Variants in MTUS2 observed in about 807,000 individuals in gnomAD.
MTUS2 encodes the protein microtubule associated scaffold protein 2.
A neutral mutation model predicts 114.1 loss-of-function variants in MTUS2; 40 were observed. That is an observed-to-expected ratio of 0.35 (90% CI 0.27 to 0.46). MTUS2 has a LOEUF of 0.46. Among genes scored for constraint, MTUS2 ranks in the 20% least tolerant of loss-of-function variants. The probability of loss-of-function intolerance (pLI) is 1.00; values close to 1 mark genes in which losing one functional copy is unlikely to be tolerated. For missense variants in MTUS2, 1,679 were observed against 1,705.4 expected (o/e 0.98, Z 0.27); for synonymous variants, 688 against 672.0 (o/e 1.02, Z -0.37).
At chr13:29,373,163 G>A (rs2138313224) in intron 8 of MTUS2, among the ~76,000 whole-genome samples, 1 of 152,310 alleles carries the variant, frequency 6.6e-6, no homozygotes, top group South Asian at 2.1e-4. Flanking sequence ...AGAACTCAGA[G>A]ACAGCTAATG....
At chr13:29,325,455 C>CA (rs761433335) in intron 7 of MTUS2, among the ~76,000 whole-genome samples, 25 of 52,302 alleles carry the variant, frequency 4.8e-4, no homozygotes, top group African/African-American at 1.1e-3. Flanking sequence ...GACTTCATCT[C>CA]AAAAAAAAAA....
intron 14 of MTUS2, 42 bp downstream of exon 14, chr13:29,498,579 T>C: frequency 1.9e-6 from 3 of 1,611,476 alleles, no homozygotes; most frequent in Non-Finnish European, 1.7e-6. Flanking sequence ...CTCCATGACA[T>C]TCCTGCTGTC....
chr13:29,239,563 T>C (rs1896659003), intron 5 of MTUS2: 1 of 152,182 alleles, frequency 6.6e-6, no homozygotes, highest in Non-Finnish European at 1.5e-5. Context: ...AGGGCAGTTA[T>C]TGTGTTGGGT....
intron 5 of MTUS2, among the ~76,000 whole-genome samples, chr13:29,157,212 T>C (rs2139061728): frequency 6.6e-6 from 1 of 152,294 alleles, no homozygotes; most frequent in South Asian, 2.1e-4. Context: ...TGCACCTGTC[T>C]AATGTTTCTC....
At chr13:29,158,358 C>CCCCCCCCCTTTTTT in intron 5 of MTUS2, among the ~76,000 whole-genome samples, 3 of 32,054 alleles carry the variant, frequency 9.4e-5, no homozygotes, top group Admixed American at 4.2e-4. Flanking sequence ...GTCCACCCCG[C>CCCCCCCCCTTTTTT]TTTTTTTTTT....
At chr13:29,236,733 G>A (rs1896550118) in intron 5 of MTUS2, among the ~76,000 whole-genome samples, 1 of 152,222 alleles carries the variant, frequency 6.6e-6, no homozygotes, top group Non-Finnish European at 1.5e-5. Context: ...GAGGAAGAGA[G>A]AGAGAAAGGA....
At chr13:29,351,122 T>C (rs1187998461) in intron 7 of MTUS2, among the ~76,000 whole-genome samples, 1 of 152,028 alleles carries the variant, frequency 6.6e-6, no homozygotes, top group African/African-American at 2.4e-5. Flanking sequence ...CTGGAAATGC[T>C]ACATAACCAT....
At chr13:29,276,947 G>T (rs987203235) in intron 5 of MTUS2, among the ~76,000 whole-genome samples, 17 of 151,988 alleles carry the variant, frequency 1.1e-4, no homozygotes, top group Non-Finnish European at 2.5e-4. Flanking sequence ...TAAGAAAAAA[G>T]AATAATATAG....
At chr13:29,487,510 G>A (rs535060764) in intron 10 of MTUS2, 3 of 213,934 alleles carry the variant, frequency 1.4e-5, no homozygotes, top group East Asian at 1.3e-4. Context: ...CTTGTGTACC[G>A]TAGCTCCCCC....
chr13:28,826,914 C>A (rs1874307409), intron 1 of MTUS2, among the ~76,000 whole-genome samples: 1 of 152,216 alleles, frequency 6.6e-6, no homozygotes, highest in South Asian at 2.1e-4. Context: ...AATATGAACA[C>A]TAGCTCTGTA....
At chr13:28,831,912 A>G (rs1439923336) in intron 1 of MTUS2, among the ~76,000 whole-genome samples, 6 of 150,168 alleles carry the variant, frequency 4.0e-5, no homozygotes, top group Non-Finnish European at 7.4e-5. Flanking sequence ...GCATGCCACC[A>G]TGCCTGGCTA....
At chr13:28,895,871 G>T (rs1879235309) in intron 2 of MTUS2, among the ~76,000 whole-genome samples, 1 of 152,180 alleles carries the variant, frequency 6.6e-6, no homozygotes, top group African/African-American at 2.4e-5. Context: ...ACAGCTAGTG[G>T]TAATTCTGTG....
intron 7 of MTUS2, among the ~76,000 whole-genome samples, chr13:29,331,300 TTGG>T (rs1346723973): frequency 1.3e-5 from 2 of 152,148 alleles, no homozygotes; most frequent in African/African-American, 4.8e-5. Flanking sequence ...TCCTGAGACT[TTGG>T]TGAAGTTGCT....
intron 10 of MTUS2, among the ~76,000 whole-genome samples, chr13:29,483,602 C>T (rs948221258): frequency 3.3e-5 from 5 of 152,182 alleles, no homozygotes; most frequent in South Asian, 2.1e-4. Flanking sequence ...GCAAGCATCA[C>T]GGGAGCTGCA....
intron 4 of MTUS2, among the ~76,000 whole-genome samples, chr13:29,042,161 G>C (rs1461434519): frequency 1.3e-5 from 2 of 151,846 alleles, no homozygotes; most frequent in Admixed American, 6.6e-5. Context: ...TTTTGCTGAG[G>C]GTTTTAATCA....
chr13:29,390,162 T>TGTG lies in MTUS2; in HGVS notation c.3117+30689_3117+30690insGTG, dbSNP rs146459770. 6.2e-4 allele frequency among the ~76,000 whole-genome samples: 74 copies of TGTG among 119,048 alleles called. No individual in the cohort carries two copies. In the East Asian group the frequency reaches 7.6e-3, roughly 12 times the overall value. The allele number at this position is 119,048 out of a possible 152,430, so 78.1% of individuals were successfully genotyped here. A position where few individuals can be genotyped will look rare whatever the true frequency, so the allele number is the denominator to read the frequency against. The stretch of plus-strand genomic sequence containing the variant: ...ACTATATATATATACACACACACAC[T>TGTG]TGTGTGTGTGTGTGTTTATGAATAT... On this transcript the variant is annotated intron_variant, in intron 8 of 15. Coordinates refer to ENST00000612955, the MANE Select transcript of MTUS2 (RefSeq NM_001033602.4).
chr13:28,958,229 G>T (rs1169482495), intron 2 of MTUS2, among the ~76,000 whole-genome samples: 2 of 152,240 alleles, frequency 1.3e-5, no homozygotes, highest in Admixed American at 1.3e-4. Flanking sequence ...CGGCTGCCCC[G>T]GATAGTGGGT....
intron 5 of MTUS2, among the ~76,000 whole-genome samples, chr13:29,160,700 G>A (rs1379372268): frequency 6.6e-6 from 1 of 151,918 alleles, no homozygotes; most frequent in East Asian, 1.9e-4. Context: ...AACCCAGGAG[G>A]CAGAGCTTGC....
At chr13:29,148,260 G>T (rs1004806649) in intron 5 of MTUS2, among the ~76,000 whole-genome samples, 6 of 150,198 alleles carry the variant, frequency 4.0e-5, no homozygotes, top group Admixed American at 4.0e-4. Flanking sequence ...TGTAGGATGT[G>T]CAGGTTTCTT....
Sources: gnomAD v4.1 joint callset for allele counts (sites outside exome capture counted in the v4.1 genomes callset) on GRCh38, gnomAD v4.1.1 for gene constraint, MANE v1.5 for transcripts, NCBI Gene and HGNC (gene_info 2026-07-23, HGNC 2026-07-21) for gene names.